Variants in UTRN observed in about 807,000 individuals in gnomAD.
UTRN encodes the protein dystrophin-related protein 1.
Under a neutral mutation model 463.9 loss-of-function variants are expected in UTRN, and 283 were observed. The observed-to-expected ratio is 0.61, with a 90% confidence interval of 0.55 to 0.67. The LOEUF is 0.67. UTRN is among the 30% of genes least tolerant of loss of function. The pLI, the probability that UTRN is intolerant of heterozygous loss-of-function variation, is 0.00. For synonymous variants in UTRN, 1,442 were observed against 1,431.5 expected (o/e 1.01, Z -0.17); for missense variants, 3,922 against 4,084.3 (o/e 0.96, Z 1.08).
intron 50 of UTRN, among the ~76,000 whole-genome samples, chr6:144,562,433 T>G (rs1396004904): frequency 1.3e-5 from 2 of 152,118 alleles, no homozygotes; most frequent in African/African-American, 2.4e-5. Flanking sequence ...GAGCTCACAT[T>G]TATAAGTGAG....
In UTRN at chr6:144,473,845, T is replaced by C. The variant is rs374432700; in HGVS notation, c.3180+12T>C. On this transcript the variant is annotated intron_variant, in intron 24 of 74. Coordinates refer to ENST00000367545, the MANE Select transcript of UTRN (RefSeq NM_007124.3). ...TAGACCAGTGCTCTGTGAGTTCTGC[T>C]GATCTGGGGAACTTGTCATAAATAA... The C allele has an allele frequency of 5.7e-6, 9 of 1,577,988 alleles. No homozygotes were observed. The African/African-American group carries it at 1.1e-4, about 19-fold the overall frequency.
intron 2 of UTRN, among the ~76,000 whole-genome samples, chr6:144,400,047 G>T (rs183157590): frequency 5.3e-5 from 8 of 152,182 alleles, no homozygotes; most frequent in Admixed American, 5.2e-4. Context: ...ATTCAGTCTC[G>T]TGTTCATCCC....
chr6:144,757,236 TA>T (rs375711274), intron 57 of UTRN, among the ~76,000 whole-genome samples: 4,491 of 115,508 alleles, frequency 0.039, 92 homozygotes, highest in Non-Finnish European at 0.053. Context: ...ACTAGAATTG[TA>T]AAAAAAAAAA....
chr6:144,740,546 G>A (rs1789934015), intron 54 of UTRN, among the ~76,000 whole-genome samples: 1 of 152,154 alleles, frequency 6.6e-6, no homozygotes, highest in Non-Finnish European at 1.5e-5. Flanking sequence ...AATTAGATTA[G>A]TAAAGTTGTA....
intron 74 of UTRN, among the ~76,000 whole-genome samples, chr6:144,849,164 G>C (rs1369842337): frequency 1.3e-5 from 2 of 152,104 alleles, no homozygotes; most frequent in Non-Finnish European, 2.9e-5. Context: ...CTATAGGACA[G>C]GTTTCAAGAG....
At chr6:144,413,633 C>T (rs936181977) in intron 3 of UTRN, among the ~76,000 whole-genome samples, 1 of 152,098 alleles carries the variant, frequency 6.6e-6, no homozygotes, top group Non-Finnish European at 1.5e-5. Flanking sequence ...GGGGACACAG[C>T]CAAACTGTGT....
intron 2 of UTRN, among the ~76,000 whole-genome samples, chr6:144,296,953 A>G (rs1804771426): frequency 6.6e-6 from 1 of 152,192 alleles, no homozygotes; most frequent in Non-Finnish European, 1.5e-5. Context: ...TTCTCTGTTG[A>G]GTTAGCAAAG....
At chr6:144,435,429 G>C (rs1786445908) in intron 9 of UTRN, among the ~76,000 whole-genome samples, 1 of 152,296 alleles carries the variant, frequency 6.6e-6, no homozygotes, top group Middle Eastern at 3.4e-3. Context: ...CTGTGTGGCT[G>C]TCTTTTAGTG....
intron 34 of UTRN, among the ~76,000 whole-genome samples, chr6:144,504,669 A>T (rs1228942637): frequency 6.6e-6 from 1 of 152,204 alleles, no homozygotes; most frequent in African/African-American, 2.4e-5. Context: ...CCAGCATTTT[A>T]TTGAGGATTA....
intron 50 of UTRN, among the ~76,000 whole-genome samples, chr6:144,568,879 C>T (rs920851463): frequency 6.6e-6 from 1 of 152,070 alleles, no homozygotes; most frequent in Non-Finnish European, 1.5e-5. Context: ...CCAAGCCATA[C>T]AGCTAGTAAA....
chr6:144,824,615 T>TCTC (rs1380172617), intron 66 of UTRN, among the ~76,000 whole-genome samples: 12 of 30,738 alleles, frequency 3.9e-4, no homozygotes, highest in African/African-American at 3.6e-3. Flanking sequence ...TATATATATC[T>TCTC]TTTTTTTTTT....
chr6:144,610,701 C>A (rs544494498), intron 51 of UTRN, among the ~76,000 whole-genome samples: 4 of 152,198 alleles, frequency 2.6e-5, no homozygotes, highest in Non-Finnish European at 4.4e-5. Context: ...ATGGTGAAAC[C>A]CCGTCTCTAC....
At chr6:144,356,928 A>G (rs1273318251) in intron 2 of UTRN, among the ~76,000 whole-genome samples, 1 of 38,970 alleles carries the variant, frequency 2.6e-5, no homozygotes. Flanking sequence ...ATCAAGACAT[A>G]TTAGGATTTC....
chr6:144,788,744 G>T (rs1776506881), intron 61 of UTRN, among the ~76,000 whole-genome samples: 1 of 152,048 alleles, frequency 6.6e-6, no homozygotes, highest in Non-Finnish European at 1.5e-5. Context: ...TGTATTTTTA[G>T]TAGAGATGTG....
intron 50 of UTRN, 40 bp downstream of exon 50, chr6:144,557,351 G>A (rs1799477681): frequency 6.3e-7 from 1 of 1,574,836 alleles, no homozygotes; most frequent in Admixed American, 1.8e-5. Flanking sequence ...ATATTGTCAA[G>A]TTGAGAATTT....
At chr6:144,614,139 T>G (rs561776640) in intron 51 of UTRN, among the ~76,000 whole-genome samples, 2 of 152,202 alleles carry the variant, frequency 1.3e-5, no homozygotes, top group East Asian at 3.9e-4. Flanking sequence ...TGGTTGCAGG[T>G]GTAGCCTGAA....
Position 144,490,141 on chromosome 6 carries a change from C to T in UTRN, c.4205C>T (p.Pro1402Leu). 1.2e-6 allele frequency: 2 copies of T among 1,613,708 alleles called. No homozygotes were observed. Among genetic ancestry groups the T allele is most frequent in the Non-Finnish European group, 1.7e-6 (2 of 1,179,838 alleles). Residue 1402 changes from proline (P) to leucine (L), a missense_variant, in exon 31 of 75, where the codon CCC becomes CTC. By Grantham distance (98) the Pro-to-Leu change is moderately conservative. Around this residue, in one of 3 missense-constraint regions of UTRN, gnomAD observed 2,349 missense variants for 2,303.8 expected, o/e 1.02. Coordinates refer to ENST00000367545, the MANE Select transcript of UTRN (RefSeq NM_007124.3). ...EELRRNMRSQ[P>L]LTSPESRTAR... is the part of the protein sequence containing the mutation. ...TTGAGAAGAAATATGCGTTCTCAGC[C>T]CCTGACCTCCCCAGAGAGTAGGACT...
intron 51 of UTRN, among the ~76,000 whole-genome samples, chr6:144,636,708 C>T (rs73597515): frequency 0.017 from 2,592 of 152,284 alleles, 53 homozygotes; most frequent in African/African-American, 0.046. Flanking sequence ...ATAGCTCACT[C>T]CAGTGCTATA....
intron 53 of UTRN, among the ~76,000 whole-genome samples, chr6:144,716,055 A>C (rs1012447142): frequency 2.0e-5 from 3 of 152,158 alleles, no homozygotes; most frequent in Admixed American, 6.5e-5. Context: ...GACATATTTG[A>C]AATGTAAGCA....
Sources: allele counts gnomAD v4.1 joint callset (sites outside exome capture counted in the v4.1 genomes callset), GRCh38; gene constraint gnomAD v4.1.1; regional missense constraint gnomAD v4.1.1; transcripts MANE v1.5; gene names NCBI Gene and HGNC (gene_info 2026-07-23, HGNC 2026-07-21).